ZNG1B: variants seen among roughly 807,000 people sequenced by gnomAD.
The protein encoded by ZNG1B is zinc-regulated GTPase metalloprotein activator 1B.
the ZNG1B span, among the ~76,000 whole-genome samples, chr2:113,461,230 T>TAAAA: frequency 6.7e-6 from 1 of 148,576 alleles, no homozygotes; most frequent in African/African-American, 2.5e-5. Context: ...CATTTTTTTT[T>TAAAA]AAATTTTTTT....
chr2:113,438,245 G>A, the ZNG1B span, among the ~76,000 whole-genome samples: 1 of 152,174 alleles, frequency 6.6e-6, no homozygotes, highest in African/African-American at 2.4e-5. Flanking sequence ...CAAGTGAGAT[G>A]GAAAGTTAGC....
At chr2:113,441,804 A>G in the ZNG1B span, 2 of 196,454 alleles carry the variant, frequency 1.0e-5, no homozygotes, top group South Asian at 1.4e-4. Context: ...CAGTGGTGCA[A>G]TCTCAGCTCA....
At chr2:113,476,526 C>T in the ZNG1B span, among the ~76,000 whole-genome samples, 1 of 149,246 alleles carries the variant, frequency 6.7e-6, no homozygotes, top group Non-Finnish European at 1.5e-5. Flanking sequence ...TGTTCCGTTG[C>T]TGGTGAGGAG....
At chr2:113,480,073 A>G in the ZNG1B span, among the ~76,000 whole-genome samples, 1 of 151,730 alleles carries the variant, frequency 6.6e-6, no homozygotes, top group Non-Finnish European at 1.5e-5. Context: ...TGCCCACCTC[A>G]GCCTCCCAAA....
the ZNG1B span, among the ~76,000 whole-genome samples, chr2:113,484,873 C>T: frequency 1.3e-5 from 2 of 151,276 alleles, no homozygotes; most frequent in East Asian, 3.9e-4. Context: ...GGGGTTTCAC[C>T]ATGTTGGCCA....
chr2:113,442,373 A>G, the ZNG1B span, among the ~76,000 whole-genome samples: 12 of 152,312 alleles, frequency 7.9e-5, no homozygotes, highest in Non-Finnish European at 7.4e-5. Context: ...CTTCTAGCCA[A>G]AAAACAATAT....
At chr2:113,453,489 G>A in the ZNG1B span, among the ~76,000 whole-genome samples, 29,016 of 146,986 alleles carry the variant, frequency 0.2, 1,822 homozygotes, top group East Asian at 0.46. Context: ...CTGACTTCAG[G>A]TGATCCGCCA....
the ZNG1B span, among the ~76,000 whole-genome samples, chr2:113,475,495 A>C: frequency 6.7e-6 from 1 of 149,306 alleles, no homozygotes; most frequent in Admixed American, 6.7e-5. Context: ...TTACATTTAA[A>C]GTTAATATCG....
At chr2:113,462,563 A>G in the ZNG1B span, 13 of 1,540,594 alleles carry the variant, frequency 8.4e-6, no homozygotes, top group Admixed American at 2.2e-4. Context: ...TTTTACTCTG[A>G]TTGTTGCCCT....
chr2:113,443,117 C>T, the ZNG1B span, among the ~76,000 whole-genome samples: 2 of 151,822 alleles, frequency 1.3e-5, no homozygotes, highest in East Asian at 3.9e-4. Context: ...TACAGGCGCC[C>T]GCTACCACAC....
the ZNG1B span, among the ~76,000 whole-genome samples, chr2:113,473,040 G>C: frequency 3.3e-5 from 5 of 150,676 alleles, no homozygotes; most frequent in Non-Finnish European, 5.9e-5. Flanking sequence ...CTGGTAGCTT[G>C]ATGGGGATGG....
At chr2:113,461,792 T>C in the ZNG1B span, among the ~76,000 whole-genome samples, 1 of 151,460 alleles carries the variant, frequency 6.6e-6, no homozygotes, top group Non-Finnish European at 1.5e-5. Flanking sequence ...AGAAATGGAG[T>C]CTTGCTATGT....
At chr2:113,454,484 T>G in the ZNG1B span, among the ~76,000 whole-genome samples, 1 of 150,746 alleles carries the variant, frequency 6.6e-6, no homozygotes, top group Non-Finnish European at 1.5e-5. Context: ...CTTATTTATT[T>G]AATTTAAAAT....
chr2:113,441,193 CA>C, the ZNG1B span, among the ~76,000 whole-genome samples: 1 of 152,126 alleles, frequency 6.6e-6, no homozygotes, highest in African/African-American at 2.4e-5. Flanking sequence ...CAACAGGTTT[CA>C]AAGGATGCTT....
chr2:113,477,366 C>T, the ZNG1B span, among the ~76,000 whole-genome samples: 6 of 152,282 alleles, frequency 3.9e-5, no homozygotes, highest in South Asian at 1.2e-3. Flanking sequence ...AATGCCTCGC[C>T]CTGCTTCGGC....
chr2:113,461,031 A>G, the ZNG1B span, among the ~76,000 whole-genome samples: 1 of 147,178 alleles, frequency 6.8e-6, no homozygotes, highest in Non-Finnish European at 1.5e-5. Context: ...AAGATTTTAT[A>G]TATATATATA....
chr2:113,463,902 A>C, the ZNG1B span, among the ~76,000 whole-genome samples: 1 of 152,046 alleles, frequency 6.6e-6, no homozygotes, highest in Admixed American at 6.6e-5. Context: ...AAAAGGAGAA[A>C]GTGATGAATG....
At chr2:113,461,610 T>A in the ZNG1B span, among the ~76,000 whole-genome samples, 1 of 151,748 alleles carries the variant, frequency 6.6e-6, no homozygotes, top group Non-Finnish European at 1.5e-5. Flanking sequence ...TTTCCAGTTT[T>A]ACTATCCTGT....
chr2:113,445,937 C>T, the ZNG1B span, among the ~76,000 whole-genome samples: 5 of 152,030 alleles, frequency 3.3e-5, no homozygotes, highest in African/African-American at 1.2e-4. Context: ...CAAATGTGAT[C>T]CGTGGTTATT....
Sources: gnomAD v4.1 joint callset for allele counts (sites outside exome capture counted in the v4.1 genomes callset) on GRCh38, gnomAD v4.1.1 for gene constraint, MANE v1.5 for transcripts, NCBI Gene and HGNC (gene_info 2026-07-23, HGNC 2026-07-21) for gene names.